The following TERF1 variants were observed in gnomAD, a reference collection of about 807,000 sequenced individuals.
The protein encoded by TERF1 is telomeric repeat binding factor 1, also known as telomeric repeat-binding factor 1.
A neutral mutation model predicts 55.1 loss-of-function variants in TERF1; 20 were observed. That is an observed-to-expected ratio of 0.36 (90% CI 0.26 to 0.53). The LOEUF (loss-of-function observed/expected upper bound fraction) is 0.53. Ranked by LOEUF, TERF1 falls within the 20% of genes least tolerant of loss-of-function variation. TERF1 has a pLI of 0.91. For missense variants in TERF1, 439 were observed against 535.7 expected, an observed-to-expected ratio of 0.82 and a Z score of 1.78; for synonymous variants, 168 against 181.2, an observed-to-expected ratio of 0.93 and a Z score of 0.59.
chr8:73,033,799 T>C (rs1809398707), intron 8 of TERF1, among the ~76,000 whole-genome samples: 1 of 152,210 alleles, frequency 6.6e-6, no homozygotes, highest in Admixed American at 6.5e-5. Flanking sequence ...ATTGAGTCTA[T>C]AAGGTCTTTG....
At position 73,029,976 on chromosome 8, in the gene TERF1, A is replaced by T. The variant is rs943467080; in HGVS notation, c.888-360A>T. The stretch of plus-strand genomic sequence containing the variant: ...ATTAAAATTGAACCCATCAAATTGT[A>T]TACTTTAAACATGTGCCATGCTTTT... On this transcript the variant is annotated intron_variant, in intron 6 of 9. Transcript: ENST00000276603. The T allele has an allele frequency of 2.5e-5, 4 of 162,220 alleles. 1 individual carries two copies. In the South Asian group the frequency reaches 8.1e-4, roughly 33 times the overall value. 10.0% of individuals were successfully genotyped at this position (162,220 alleles called of 1,614,324 possible). A position where few individuals can be genotyped will look rare whatever the true frequency, so the allele number is the denominator to read the frequency against.
rs5892387 is a variant in TERF1 at position 73,015,312 on chromosome 8, C to CT, written c.415+1340dup. On this transcript the variant is annotated intron_variant, in intron 2 of 9. Transcript: ENST00000276603. Reference sequence around the variant, plus strand: ...TTTTTGGCTATACATAACCCTTTTGCTTTTTTTTTTTTTTTTTTAATTTTG... The same window carrying CT: ...TTTTTGGCTATACATAACCCTTTTGCTTTTTTTTTTTTTTTTTTTAATTTTG... Among the ~76,000 whole-genome samples, 216 of 131,690 alleles carry CT rather than the reference C, an allele frequency of 1.6e-3. 1 individual carries two copies. Among genetic ancestry groups the CT allele is most frequent in the Middle Eastern group, 0.016 (4 of 254 alleles). The allele number at this position is 131,690 out of a possible 152,430, so 86.4% of individuals were successfully genotyped here. A position where few individuals can be genotyped will look rare whatever the true frequency, so the allele number is the denominator to read the frequency against.
chr8:73,044,084 A>C (rs1327144450), intron 9 of TERF1, among the ~76,000 whole-genome samples: 1 of 152,200 alleles, frequency 6.6e-6, no homozygotes, highest in Non-Finnish European at 1.5e-5. Flanking sequence ...CACCCCACAC[A>C]TGAAAAATTT....
chr8:73,019,634 G>C (rs955426246), intron 2 of TERF1, among the ~76,000 whole-genome samples: 1 of 152,094 alleles, frequency 6.6e-6, no homozygotes, highest in African/African-American at 2.4e-5. Context: ...GGCTCAAGCA[G>C]TCCTCCCACC....
At chr8:73,027,077 A>G in intron 6 of TERF1, 25 bp downstream of exon 6, 1 of 1,546,212 alleles carries the variant, frequency 6.5e-7, no homozygotes, top group Non-Finnish European at 8.8e-7. Flanking sequence ...CAATTTGTAT[A>G]TTTTTTGTTT....
chr8:73,032,854 T>G (rs1772929912), intron 8 of TERF1, among the ~76,000 whole-genome samples: 1 of 152,064 alleles, frequency 6.6e-6, no homozygotes, highest in Non-Finnish European at 1.5e-5. Context: ...ATATTTTAGG[T>G]ACTGAACTGA....
At chr8:73,038,398 G>A (rs1425088673) in intron 8 of TERF1, among the ~76,000 whole-genome samples, 1 of 151,898 alleles carries the variant, frequency 6.6e-6, no homozygotes, top group Non-Finnish European at 1.5e-5. Context: ...GAGCCCAGGA[G>A]TTTGAGCTGT....
chr8:73,041,205 GAT>G (rs1321689150), intron 9 of TERF1, among the ~76,000 whole-genome samples: 1 of 152,184 alleles, frequency 6.6e-6, no homozygotes, highest in Non-Finnish European at 1.5e-5. Context: ...AAGGAAATGA[GAT>G]AAATGATCCT....
At position 73,046,167 on chromosome 8, in the gene TERF1, A is replaced by G. The variant is rs377443568; in HGVS notation, c.*30A>G. The G allele has an allele frequency of 8.2e-5, 124 of 1,510,130 alleles. 1 individual carries two copies. In the African/African-American group the frequency reaches 1.6e-3, roughly 20 times the overall value. The allele number at this position is 1,510,130 out of a possible 1,614,324, so 93.5% of individuals were successfully genotyped here. ...GTTTGTAAAAGCTTGATGAAAGGAC[A>G]GTTAAGTATTTTGATCACTGCATTT... On this transcript the variant is annotated 3_prime_UTR_variant, in exon 10 of 10. Coordinates refer to ENST00000276603, the MANE Select transcript of TERF1 (RefSeq NM_017489.3).
At chr8:73,015,202 A>C (rs1271184545) in intron 2 of TERF1, among the ~76,000 whole-genome samples, 1 of 152,172 alleles carries the variant, frequency 6.6e-6, no homozygotes, top group Non-Finnish European at 1.5e-5. Context: ...CCTAGATATA[A>C]TAGGCCAGGG....
chr8:73,031,747 C>A (rs1809294965), intron 7 of TERF1: 1 of 208,690 alleles, frequency 4.8e-6, no homozygotes, highest in Non-Finnish European at 9.4e-6. Flanking sequence ...CTTGATGTAT[C>A]TAATTGGAAG....
intron 2 of TERF1, among the ~76,000 whole-genome samples, chr8:73,018,583 G>T (rs1808624288): frequency 6.6e-6 from 1 of 152,192 alleles, no homozygotes; most frequent in East Asian, 1.9e-4. Flanking sequence ...GACTGAAACA[G>T]CAGAATCGCT....
chr8:73,021,471 T>C (rs1258849476), intron 3 of TERF1, among the ~76,000 whole-genome samples: 1 of 152,174 alleles, frequency 6.6e-6, no homozygotes, highest in Non-Finnish European at 1.5e-5. Context: ...AGAAAGCAAG[T>C]CTTTCTTAAT....
intron 1 of TERF1, chr8:73,010,681 G>A (rs1286169941): frequency 6.6e-6 from 1 of 152,194 alleles, no homozygotes; most frequent in East Asian, 1.9e-4. Context: ...CATAAAATAA[G>A]TGCTCAATGA....
Position 73,046,016 on chromosome 8 carries a change from A to AG in TERF1, c.1202dup (p.Asn402LysfsTer4). The stretch of plus-strand genomic sequence containing the variant: ...AGATCTGGCGTGAGGAAATATGGAG[A>AG]GGGAAACTGGTCTAAAATACTGTTG... On this transcript the variant is annotated frameshift_variant, in exon 10 of 10. Transcript: ENST00000276603. LOFTEE classifies it high-confidence loss of function. The AG allele has an allele frequency of 6.2e-7, 1 of 1,608,174 alleles. No individual in the cohort carries two copies. Among genetic ancestry groups the AG allele is most frequent in the South Asian group, 1.1e-5 (1 of 90,042 alleles).
chr8:73,043,463 A>G (rs952905970), intron 9 of TERF1: 2 of 152,218 alleles, frequency 1.3e-5, no homozygotes, highest in Non-Finnish European at 2.9e-5. Context: ...AAATTTTTCT[A>G]TAAAGAGCAA....
At chr8:73,028,195 T>G (rs1201676858) in intron 6 of TERF1, among the ~76,000 whole-genome samples, 4 of 152,162 alleles carry the variant, frequency 2.6e-5, no homozygotes, top group African/African-American at 9.7e-5. Flanking sequence ...TGAGCACACT[T>G]CCTATGGACT....
Position 73,009,171 on chromosome 8 carries a change from C to T in TERF1, c.285C>T (p.Ser95=), listed in dbSNP as rs56288812. 4,741 of 1,610,894 alleles carry T rather than the reference C, an allele frequency of 2.9e-3. 132 individuals carry two copies. The African/African-American group carries it at 0.055, about 19-fold the overall frequency. The change falls in exon 1 of 10, where the codon TCC becomes TCT. Residue 95 remains serine, a synonymous_variant. Transcript: ENST00000276603. ...SLCRAFRDGR[S]EDFRRTRNSA... is the part of the protein sequence containing the mutation. ...GCCGAGCTTTCCGCGACGGCCGCTCCGAGGACTTCCGCAGGACCCGCAACA... is the reference window on the plus strand; with the variant it reads ...GCCGAGCTTTCCGCGACGGCCGCTCTGAGGACTTCCGCAGGACCCGCAACA...
intron 8 of TERF1, among the ~76,000 whole-genome samples, chr8:73,037,039 A>G (rs1453383234): frequency 7.2e-6 from 1 of 138,810 alleles, no homozygotes; most frequent in African/African-American, 2.7e-5. Context: ...ATAATATATA[A>G]TGTACATAAT....
Sources: gnomAD v4.1 joint callset for allele counts (sites outside exome capture counted in the v4.1 genomes callset) on GRCh38, gnomAD v4.1.1 for gene constraint, MANE v1.5 for transcripts, NCBI Gene and HGNC (gene_info 2026-07-23, HGNC 2026-07-21) for gene names.